CCDC7: variants seen among roughly 807,000 people sequenced by gnomAD.
The protein encoded by CCDC7 is coiled-coil domain containing 7, also known as coiled-coil domain-containing protein 7.
In CCDC7, 183 loss-of-function variants were observed where a neutral mutation model predicts 196.9. The ratio of observed to expected loss-of-function variants is 0.93; its 90% CI spans 0.82 to 1.05. The LOEUF is 1.05. CCDC7 is among the 50% of genes least tolerant of loss of function. The pLI is 0.00. For synonymous variants in CCDC7, 525 were observed against 484.6 expected (o/e 1.08, Z -1.10); for missense variants, 1,540 against 1,482.2 (o/e 1.04, Z -0.64).
Position 32,669,404 on chromosome 10 carries a change from A to G in CCDC7, c.2122+5243A>G, listed in dbSNP as rs2073577556. 2.6e-5 allele frequency among the ~76,000 whole-genome samples: 4 copies of G among 152,170 alleles called. No individual in the cohort carries two copies. In the South Asian group the frequency reaches 6.2e-4, roughly 24 times the overall value. ...TCAGTAATGCTGGCCTCCTAAAATG[A>G]GTTTGGAAGTGATCTCTCTTCTTCT... On this transcript the variant is annotated intron_variant, in intron 21 of 41. Coordinates refer to ENST00000639629, the Ensembl canonical transcript of CCDC7.
chr10:32,472,458 T>C (rs1275489600), intron 6 of CCDC7, 23 bp from the exon 8 acceptor site: 2 of 1,555,418 alleles, frequency 1.3e-6, no homozygotes, highest in African/African-American at 1.4e-5. Flanking sequence ...TTAAAAAATA[T>C]TTCATTTATC....
At chr10:32,788,420 A>G (rs1428080020) in intron 29 of CCDC7, among the ~76,000 whole-genome samples, 4 of 152,110 alleles carry the variant, frequency 2.6e-5, no homozygotes, top group African/African-American at 7.2e-5. Context: ...AGGCCTATTT[A>G]TGTGTATCCA....
intron 13 of CCDC7, among the ~76,000 whole-genome samples, chr10:32,550,907 C>T (rs1247159337): frequency 1.3e-5 from 2 of 152,052 alleles, no homozygotes; most frequent in African/African-American, 2.4e-5. Flanking sequence ...GTGATGCTGG[C>T]TTCATAGAAT....
intron 11 of CCDC7, among the ~76,000 whole-genome samples, chr10:32,534,969 C>T (rs185704374): frequency 6.7e-6 from 1 of 149,916 alleles, no homozygotes; most frequent in Admixed American, 6.6e-5. Flanking sequence ...CTGGTTGACC[C>T]CCTCATTCTC....
At chr10:32,777,687 T>A (rs2080309283) in intron 28 of CCDC7, among the ~76,000 whole-genome samples, 1 of 151,498 alleles carries the variant, frequency 6.6e-6, no homozygotes, top group East Asian at 1.9e-4. Flanking sequence ...TGAAACCCCA[T>A]CTCTACTAAA....
intron 22 of CCDC7, among the ~76,000 whole-genome samples, chr10:32,687,008 C>G (rs1000539049): frequency 2.0e-5 from 3 of 152,184 alleles, no homozygotes; most frequent in African/African-American, 4.8e-5. Context: ...TCTGTGTGGA[C>G]AGGAATGCTG....
At chr10:32,498,168 T>C (rs1042201769) in intron 9 of CCDC7, among the ~76,000 whole-genome samples, 1 of 152,182 alleles carries the variant, frequency 6.6e-6, no homozygotes, top group African/African-American at 2.4e-5. Context: ...TCTTTTGATT[T>C]CTGCTGCTTT....
downstream of CCDC7, among the ~76,000 whole-genome samples, chr10:32,878,014 G>A (rs983459927): frequency 2.0e-5 from 3 of 151,896 alleles, no homozygotes; most frequent in East Asian, 3.9e-4. Context: ...ATAGATTCAA[G>A]CTATCTTGGC....
intron 30 of CCDC7, among the ~76,000 whole-genome samples, chr10:32,812,911 C>T (rs2087483210): frequency 6.6e-6 from 1 of 152,056 alleles, no homozygotes. Flanking sequence ...AGTTTTGAGT[C>T]GCTATATCTC....
At chr10:32,565,836 ACTTT>A (rs1267603671) in intron 14 of CCDC7, among the ~76,000 whole-genome samples, 1 of 152,192 alleles carries the variant, frequency 6.6e-6, no homozygotes, top group Non-Finnish European at 1.5e-5. Context: ...AGAAAAGTAA[ACTTT>A]CTTAAGCTAA....
At chr10:32,817,907 G>A (rs2089158243) in intron 31 of CCDC7, among the ~76,000 whole-genome samples, 1 of 152,108 alleles carries the variant, frequency 6.6e-6, no homozygotes, top group South Asian at 2.1e-4. Flanking sequence ...AGACTGTCAA[G>A]GCTAGGAAGA....
At chr10:32,725,400 T>A (rs1381262328) in intron 25 of CCDC7, 2 of 470,814 alleles carry the variant, frequency 4.2e-6, no homozygotes, top group Non-Finnish European at 4.4e-6. Flanking sequence ...TCAAATACTG[T>A]ATTTATTAGT....
chr10:32,688,190 T>C (rs971207868), intron 22 of CCDC7, among the ~76,000 whole-genome samples: 1 of 152,186 alleles, frequency 6.6e-6, no homozygotes, highest in African/African-American at 2.4e-5. Flanking sequence ...CTTAACACGC[T>C]TACCTCCTTT....
intron 2 of CCDC7, among the ~76,000 whole-genome samples, chr10:32,454,037 A>G (rs1173915513): frequency 6.6e-6 from 1 of 152,242 alleles, no homozygotes; most frequent in Admixed American, 6.5e-5. Flanking sequence ...GGAACAAACT[A>G]CTGACACATA....
intron 32 of CCDC7, among the ~76,000 whole-genome samples, chr10:32,832,098 G>A (rs1029448816): frequency 1.3e-5 from 2 of 151,988 alleles, no homozygotes; most frequent in Non-Finnish European, 2.9e-5. Context: ...ACAATCTTAC[G>A]GAATCACCAT....
chr10:32,803,711 C>A (rs1282202603), intron 29 of CCDC7, among the ~76,000 whole-genome samples: 1 of 152,028 alleles, frequency 6.6e-6, no homozygotes, highest in Non-Finnish European at 1.5e-5. Context: ...TCTTTTAATT[C>A]AGGAATTTAA....
intron 24 of CCDC7, among the ~76,000 whole-genome samples, 155 bp downstream of exon 25, chr10:32,695,147 A>G (rs576446332): frequency 1.9e-4 from 29 of 152,346 alleles, no homozygotes; most frequent in East Asian, 1.3e-3. Flanking sequence ...AACAAAAGCC[A>G]TATAATATTT....
intron 11 of CCDC7, among the ~76,000 whole-genome samples, chr10:32,526,799 T>C (rs996049652): frequency 6.6e-6 from 1 of 152,170 alleles, no homozygotes; most frequent in Non-Finnish European, 1.5e-5. Context: ...CAAAGTCCTC[T>C]TTACTCTTTG....
chr10:32,488,383 C>T (rs558035136), intron 8 of CCDC7, among the ~76,000 whole-genome samples: 1 of 152,338 alleles, frequency 6.6e-6, no homozygotes, highest in South Asian at 2.1e-4. Context: ...TGCCGTCTGT[C>T]ACCCCTTTCT....
Sources: gnomAD v4.1 joint callset for allele counts (sites outside exome capture counted in the v4.1 genomes callset) on GRCh38, gnomAD v4.1.1 for gene constraint, MANE v1.5 for transcripts, NCBI Gene and HGNC (gene_info 2026-07-23, HGNC 2026-07-21) for gene names.